The following MICAL3 variants were observed in gnomAD, a reference collection of about 807,000 sequenced individuals.
The protein encoded by MICAL3 is [F-actin]-monooxygenase MICAL3.
Under a neutral mutation model 207.4 loss-of-function variants are expected in MICAL3, and 62 were observed. The ratio of observed to expected loss-of-function variants is 0.30; its 90% CI spans 0.24 to 0.37. The LOEUF is 0.37. Among genes scored for constraint, MICAL3 ranks in the 10% least tolerant of loss-of-function variants. The probability of loss-of-function intolerance (pLI) is 1.00; values close to 1 mark genes in which losing one functional copy is unlikely to be tolerated. For missense variants in MICAL3, 2,368 were observed against 2,635.6 expected, an observed-to-expected ratio of 0.90 and a Z score of 2.22; for synonymous variants, 1,077 against 1,069.3, an observed-to-expected ratio of 1.01 and a Z score of -0.14.
chr22:17,814,051 C>T (rs766933125), intron 27 of MICAL3: 16 of 152,122 alleles, frequency 1.1e-4, no homozygotes, highest in Non-Finnish European at 2.1e-4. Context: ...AAACAAAACC[C>T]AGGCTCTTGT....
intron 1 of MICAL3, among the ~76,000 whole-genome samples, chr22:17,942,664 G>A (rs1160300323): frequency 6.6e-6 from 1 of 152,314 alleles, no homozygotes; most frequent in African/African-American, 2.4e-5. Flanking sequence ...CCCTCTGAGG[G>A]AGCCTGGCCT....
At chr22:17,795,463 C>A (rs62238880) in intron 29 of MICAL3, among the ~76,000 whole-genome samples, 2 of 152,158 alleles carry the variant, frequency 1.3e-5, no homozygotes, top group Non-Finnish European at 2.9e-5. Flanking sequence ...GGCGCCTGCA[C>A]GGGTAATAAT....
At chr22:17,990,119 A>G (rs1314329666) in intron 1 of MICAL3, among the ~76,000 whole-genome samples, 1 of 152,212 alleles carries the variant, frequency 6.6e-6, no homozygotes, top group East Asian at 1.9e-4. Context: ...AATAAAAAAA[A>G]AATGCAAAGC....
Position 17,830,837 on chromosome 22 carries a change from G to A in MICAL3, c.3055+1017C>T, listed in dbSNP as rs551271236. 2.2e-4 allele frequency among the ~76,000 whole-genome samples: 33 copies of A among 152,324 alleles called. No individual in the cohort carries two copies. The South Asian group carries it at 2.3e-3, about 11-fold the overall frequency. ...TGTTCTCGCGGACGCCCAACGGTGC[G>A]GTTCCTTCTGCTAACCCACCTCACT... is the stretch of plus-strand genomic sequence containing the variant. On this transcript the variant is annotated intron_variant, in intron 21 of 31. Transcript: ENST00000441493.
At position 17,817,498 on chromosome 22, in the gene MICAL3, C is replaced by CG. The variant is rs1569077457; in HGVS notation, c.5162dup (p.Glu1722GlyfsTer85). The CG allele has an allele frequency of 6.2e-7, 1 of 1,613,588 alleles. No individual in the cohort carries two copies. The highest frequency in any genetic ancestry group is 1.1e-5 in the South Asian group (1 of 91,054). ...CTAGGAGGTTGGAGCTGGGCTTCTC[C>CG]GGGGGCCGGCCCTCGCCTTTGGACT... On this transcript the variant is annotated frameshift_variant, in exon 26 of 32. Transcript: ENST00000441493. LOFTEE classifies it high-confidence loss of function.
chr22:17,800,075 A>G (rs2061922220), intron 29 of MICAL3, among the ~76,000 whole-genome samples: 1 of 152,148 alleles, frequency 6.6e-6, no homozygotes, highest in Non-Finnish European at 1.5e-5. Context: ...ACCTATCAAC[A>G]TGAAACTCAG....
At chr22:17,929,175 C>T (rs112856495) in intron 1 of MICAL3, among the ~76,000 whole-genome samples, 6 of 150,738 alleles carry the variant, frequency 4.0e-5, no homozygotes, top group African/African-American at 1.2e-4. Flanking sequence ...CATAGCTCAC[C>T]GTAACCTCAA....
chr22:17,990,228 G>T lies in MICAL3; in HGVS notation c.-75+34053C>A, dbSNP rs140970906. Among the ~76,000 whole-genome samples, 8 of 152,258 alleles carry T rather than the reference G, an allele frequency of 5.3e-5. No individual in the cohort carries two copies. In the East Asian group the frequency reaches 1.5e-3, roughly 29 times the overall value. The stretch of plus-strand genomic sequence containing the variant: ...GAGCGGGAGCAAGCGGGATGAGGAG[G>T]GGACCAGCAAGATAGGAAAGAACTC... On this transcript the variant is annotated intron_variant, in intron 1 of 31. Transcript: ENST00000441493.
chr22:17,962,002 C>T (rs983314830), intron 1 of MICAL3, among the ~76,000 whole-genome samples: 5 of 152,168 alleles, frequency 3.3e-5, no homozygotes, highest in Admixed American at 6.5e-5. Flanking sequence ...CTAAGACAGA[C>T]TATAGGACTT....
At chr22:18,006,843 C>A (rs556694476) in intron 1 of MICAL3, among the ~76,000 whole-genome samples, 101 of 151,786 alleles carry the variant, frequency 6.7e-4, no homozygotes, top group South Asian at 2.1e-3. Context: ...CACACACACA[C>A]ACAAAAAAAT....
At chr22:17,815,912 T>C (rs1003631) in intron 27 of MICAL3, among the ~76,000 whole-genome samples, 49,551 of 152,088 alleles carry the variant, frequency 0.33, 8,440 homozygotes, top group African/African-American at 0.35. Context: ...GTCCAAGCCC[T>C]AGAAGCCTTG....
chr22:17,914,905 A>G (rs1932383191), intron 1 of MICAL3, among the ~76,000 whole-genome samples: 1 of 152,182 alleles, frequency 6.6e-6, no homozygotes, highest in Non-Finnish European at 1.5e-5. Flanking sequence ...CAATCACCTA[A>G]TACTACTCCA....
intron 16 of MICAL3, among the ~76,000 whole-genome samples, chr22:17,880,709 C>T (rs1929335495): frequency 6.6e-6 from 1 of 152,188 alleles, no homozygotes; most frequent in Non-Finnish European, 1.5e-5. Context: ...GAATGCTGTG[C>T]CTGGCGTGCA....
chr22:17,809,272 G>A (rs994200160), intron 28 of MICAL3, among the ~76,000 whole-genome samples: 1 of 152,212 alleles, frequency 6.6e-6, no homozygotes, highest in Non-Finnish European at 1.5e-5. Flanking sequence ...CTGTTCTCAC[G>A]GCAAGACTGC....
At chr22:17,932,602 G>C (rs1933321381) in intron 1 of MICAL3, among the ~76,000 whole-genome samples, 1 of 152,174 alleles carries the variant, frequency 6.6e-6, no homozygotes, top group African/African-American at 2.4e-5. Flanking sequence ...ACATCATAAT[G>C]ACAGGATCGA....
chr22:17,864,329 A>T (rs2031921697), intron 19 of MICAL3: 1 of 1,187,068 alleles, frequency 8.4e-7, no homozygotes, highest in African/African-American at 1.5e-5. Flanking sequence ...ATGTCCCATC[A>T]CGGTGCAGGG....
intron 1 of MICAL3, among the ~76,000 whole-genome samples, chr22:17,940,084 G>GAAGTTAAGGC (rs1276257022): frequency 1.3e-5 from 2 of 152,198 alleles, no homozygotes; most frequent in African/African-American, 4.8e-5. Flanking sequence ...TCATCCCTCT[G>GAAGTTAAGGC]AAGTTAAGGA....
chr22:17,906,749 C>T lies in MICAL3; in HGVS notation c.64G>A (p.Ala22Thr). 6 of 1,613,764 alleles carry T rather than the reference C, an allele frequency of 3.7e-6. No homozygotes were observed. The highest frequency in any genetic ancestry group is 5.1e-6 in the Non-Finnish European group (6 of 1,179,798). Residue 22 changes from alanine (A) to threonine (T), a missense_variant, in exon 2 of 32, where the codon GCC becomes ACC. Coordinates refer to ENST00000441493, the MANE Select transcript of MICAL3 (RefSeq NM_015241.3). The part of the protein sequence containing the change: ...AHVLFDRFVQ[A>T]TTCKGTLKAF... ...TTGAGGGTTCCCTTGCAGGTGGTGG[C>T]CTGGACAAACCGGTCAAAGAGGACA...
At chr22:17,973,718 C>T (rs759668867) in intron 1 of MICAL3, among the ~76,000 whole-genome samples, 11 of 152,058 alleles carry the variant, frequency 7.2e-5, no homozygotes, top group African/African-American at 1.9e-4. Flanking sequence ...GAGTTGAGCC[C>T]GGGAGTTTGA....
Sources: allele counts gnomAD v4.1 joint callset (sites outside exome capture counted in the v4.1 genomes callset), GRCh38; gene constraint gnomAD v4.1.1; transcripts MANE v1.5; gene names NCBI Gene and HGNC (gene_info 2026-07-23, HGNC 2026-07-21).